NPIPB8: variants seen among roughly 807,000 people sequenced by gnomAD.
The protein encoded by NPIPB8 is nuclear pore complex-interacting protein family member B8.
Under a neutral mutation model 5.3 loss-of-function variants are expected in NPIPB8, and 3 were observed. The ratio of observed to expected loss-of-function variants is 0.57; its 90% CI spans 0.26 to 1.47. The LOEUF (loss-of-function observed/expected upper bound fraction) is 1.47, where lower values mean the gene tolerates loss of function less well. Ranked by LOEUF, NPIPB8 falls within the 40% of genes most tolerant of loss-of-function variation. NPIPB8 has a pLI of 0.13. For missense variants in NPIPB8, 50 were observed against 50.2 expected (o/e 1.00, Z 0.01); for synonymous variants, 18 against 23.0 (o/e 0.78, Z 0.62).
intron 2 of NPIPB8, among the ~76,000 whole-genome samples, chr16:28,640,559 A>G (rs1208088060): frequency 2.0e-5 from 3 of 152,064 alleles, no homozygotes; most frequent in Non-Finnish European, 4.4e-5. Context: ...AGAGAACCTG[A>G]AATACTTGGT....
At chr16:28,642,467 C>G (rs1263469380) in intron 2 of NPIPB8, among the ~76,000 whole-genome samples, 2 of 150,460 alleles carry the variant, frequency 1.3e-5, no homozygotes, top group Non-Finnish European at 3.0e-5. Context: ...TTTTGTAAAC[C>G]CTGTTTTTTG....
At chr16:28,652,587 G>A (rs2048059627) in intron 5 of NPIPB8, among the ~76,000 whole-genome samples, 1 of 109,158 alleles carries the variant, frequency 9.2e-6, no homozygotes, top group South Asian at 2.4e-4. Flanking sequence ...TGCTAGTACT[G>A]GCATTGGTTT....
chr16:28,637,909 T>A, upstream of NPIPB8: 2 of 425,698 alleles, frequency 4.7e-6, no homozygotes, highest in Non-Finnish European at 7.1e-6. Flanking sequence ...AATAGGGTTA[T>A]AATTAGTAAT....
At chr16:28,644,340 C>T (rs1247782831) in intron 2 of NPIPB8, among the ~76,000 whole-genome samples, 1 of 119,304 alleles carries the variant, frequency 8.4e-6, no homozygotes, top group African/African-American at 3.6e-5. Context: ...TTCCCAGACC[C>T]CTTTCTTCTT....
At chr16:28,642,659 A>G (rs1411980730) in intron 2 of NPIPB8, among the ~76,000 whole-genome samples, 1 of 144,422 alleles carries the variant, frequency 6.9e-6, no homozygotes, top group Non-Finnish European at 1.5e-5. Context: ...TAATTTTTAT[A>G]TTTTATTAGA....
chr16:28,642,650 A>T (rs1486425322), intron 2 of NPIPB8, among the ~76,000 whole-genome samples: 1 of 149,696 alleles, frequency 6.7e-6, no homozygotes, highest in Non-Finnish European at 1.5e-5. Flanking sequence ...ACACCCGGCT[A>T]ATTTTTATAT....
chr16:28,645,294 T>C (rs62035140), intron 2 of NPIPB8, among the ~76,000 whole-genome samples: 1,380 of 95,308 alleles, frequency 0.014, 116 homozygotes, highest in Middle Eastern at 0.027. Flanking sequence ...CTCCCAGTGC[T>C]GGGATTACAG....
rs755245844 is a variant in NPIPB8, at chr16:28,639,398, TACAC to T, written c.120+932_120+935del. 2.0e-4 allele frequency among the ~76,000 whole-genome samples: 28 copies of T among 141,054 alleles called. No individual in the cohort carries two copies. In the East Asian group the frequency reaches 4.0e-3, roughly 20 times the overall value. 92.5% of individuals were successfully genotyped at this position (141,054 alleles called of 152,430 possible). On this transcript the variant is annotated intron_variant, in intron 2 of 7. Transcript: ENST00000683297. The stretch of plus-strand genomic sequence containing the variant: ...CTTTTATTTTTGAGATTTATATAGA[TACAC>T]ACACACACACACAGACACACACACA...
intron 3 of NPIPB8, among the ~76,000 whole-genome samples, chr16:28,650,952 G>A (rs1596685999): frequency 1.1e-5 from 1 of 92,222 alleles, no homozygotes; most frequent in Admixed American, 1.0e-4. Context: ...GTGTTGAAGT[G>A]TACAGTTCAG....
chr16:28,639,455 A>ATATATATTTTT (rs1342219323), intron 2 of NPIPB8, among the ~76,000 whole-genome samples: 1 of 120,848 alleles, frequency 8.3e-6, no homozygotes, highest in African/African-American at 3.2e-5. Flanking sequence ...ATATATATAT[A>ATATATATTTTT]TTTTTTTTTT....
chr16:28,653,072 A>ATTT (rs573542449), intron 5 of NPIPB8, among the ~76,000 whole-genome samples: 15 of 72,628 alleles, frequency 2.1e-4, no homozygotes, highest in East Asian at 4.0e-4. Flanking sequence ...CATTCGGCCA[A>ATTT]TTTTTTTTTT....
intron 2 of NPIPB8, among the ~76,000 whole-genome samples, chr16:28,640,522 G>A (rs992644950): frequency 1.3e-5 from 2 of 152,092 alleles, no homozygotes; most frequent in African/African-American, 4.8e-5. Flanking sequence ...AAATCCCATG[G>A]GTACATCCAC....
At chr16:28,651,735 T>A (rs1485248277) in intron 3 of NPIPB8, among the ~76,000 whole-genome samples, 1 of 78,190 alleles carries the variant, frequency 1.3e-5, no homozygotes, top group East Asian at 3.2e-4. Flanking sequence ...CTTCAAATGG[T>A]TCTCTGCCTC....
In NPIPB8 at chr16:28,645,402, G is replaced by C. The variant is rs1210182424; in HGVS notation, c.121-2733G>C. On this transcript the variant is annotated intron_variant, in intron 2 of 7. Coordinates refer to ENST00000683297, the MANE Select transcript of NPIPB8 (RefSeq NM_001310136.2). ...CCAGCATAAACCGACCCCCTTTCAA[G>C]ATCTACATTATTTTATTTATTTATT... Among the ~76,000 whole-genome samples the C allele has an allele frequency of 8.3e-5, 4 of 48,300 alleles. No homozygotes were observed. The East Asian group carries it at 1.6e-3, about 19-fold the overall frequency. 31.7% of individuals were successfully genotyped at this position (48,300 alleles called of 152,430 possible).
chr16:28,642,082 C>T (rs564253018), intron 2 of NPIPB8, among the ~76,000 whole-genome samples: 409 of 149,960 alleles, frequency 2.7e-3, no homozygotes, highest in Non-Finnish European at 5.0e-3. Context: ...CCTTTTATAA[C>T]CAACACAACC....
chr16:28,641,036 T>C (rs3874423), intron 2 of NPIPB8, among the ~76,000 whole-genome samples: 4 of 152,034 alleles, frequency 2.6e-5, no homozygotes, highest in Admixed American at 1.3e-4. Flanking sequence ...GGTTGTAAAC[T>C]ATTGCTCCCA....
At chr16:28,644,938 G>T (rs2047973367) in intron 2 of NPIPB8, among the ~76,000 whole-genome samples, 2 of 102,840 alleles carry the variant, frequency 1.9e-5, no homozygotes. Context: ...GCTGGACGTT[G>T]CAGTGAGCTG....
intron 2 of NPIPB8, among the ~76,000 whole-genome samples, chr16:28,643,033 G>A (rs561002446): frequency 1.2e-4 from 18 of 152,160 alleles, no homozygotes; most frequent in African/African-American, 4.3e-4. Context: ...AAAGGTGATA[G>A]ACAGTGGGGG....
chr16:28,651,604 T>TTTTGTG (rs1190168126), intron 3 of NPIPB8, among the ~76,000 whole-genome samples: 22 of 39,156 alleles, frequency 5.6e-4, no homozygotes, highest in African/African-American at 2.6e-3. Flanking sequence ...CATGTCATTC[T>TTTTGTG]TGTGTGTGTG....
Sources: gnomAD v4.1 joint callset for allele counts (sites outside exome capture counted in the v4.1 genomes callset) on GRCh38, gnomAD v4.1.1 for gene constraint, MANE v1.5 for transcripts, NCBI Gene and HGNC (gene_info 2026-07-23, HGNC 2026-07-21) for gene names.